SIPA1L1: variants seen among roughly 807,000 people sequenced by gnomAD.
The protein encoded by SIPA1L1 is signal induced proliferation associated 1 like 1.
SIPA1L1 carries 26 observed loss-of-function variants against 162.7 expected under a neutral mutation model. That is an observed-to-expected ratio of 0.16 (90% CI 0.12 to 0.22). The LOEUF (loss-of-function observed/expected upper bound fraction) is 0.22, where lower values mean the gene tolerates loss of function less well. Among genes scored for constraint, SIPA1L1 ranks in the 10% least tolerant of loss-of-function variants. The pLI is 1.00. For missense variants in SIPA1L1, 1,874 were observed against 2,241.0 expected (o/e 0.84, Z 3.31); for synonymous variants, 829 against 837.4 (o/e 0.99, Z 0.17).
Position 71,739,060 on chromosome 14 carries a change from C to T in SIPA1L1, c.5251C>T (p.Leu1751=). 6.2e-7 allele frequency: 1 copy of T among 1,614,130 alleles called. No individual in the cohort carries two copies. Among genetic ancestry groups the T allele is most frequent in the Non-Finnish European group, 8.5e-7 (1 of 1,179,998 alleles). ...KAHLQAEVQH[L]REDNLRLQEE... ...TCACCTTCAGGCGGAGGTGCAGCAC[C>T]TGCGAGAGGACAACCTGAGGCTACA... Residue 1751 remains leucine (L), a synonymous_variant, in exon 24 of 24, where the codon CTG becomes TTG. Transcript: ENST00000381232.
At chr14:71,417,859 C>T (rs1437596337) in intron 2 of SIPA1L1, among the ~76,000 whole-genome samples, 2 of 152,156 alleles carry the variant, frequency 1.3e-5, no homozygotes, top group Non-Finnish European at 2.9e-5. Flanking sequence ...AGAGAATCTT[C>T]CTTTCATCTT....
At chr14:71,580,152 A>G (rs2147272819) in intron 4 of SIPA1L1, among the ~76,000 whole-genome samples, 2 of 152,334 alleles carry the variant, frequency 1.3e-5, no homozygotes, top group Middle Eastern at 6.8e-3. Flanking sequence ...CTGCCCTCAA[A>G]GAAGAAAATC....
intron 2 of SIPA1L1, among the ~76,000 whole-genome samples, chr14:71,497,656 G>T (rs1452598472): frequency 6.6e-6 from 1 of 152,190 alleles, no homozygotes; most frequent in Admixed American, 6.5e-5. Flanking sequence ...TTGCCTTTGA[G>T]ATTCATCCAA....
intron 13 of SIPA1L1, among the ~76,000 whole-genome samples, chr14:71,690,518 G>A (rs2081180988): frequency 6.6e-6 from 1 of 152,166 alleles, no homozygotes; most frequent in African/African-American, 2.4e-5. Context: ...AAAGTGCTGG[G>A]ATCACAGGTG....
At chr14:71,408,397 T>G (rs1233014496) in intron 2 of SIPA1L1, among the ~76,000 whole-genome samples, 3 of 152,148 alleles carry the variant, frequency 2.0e-5, no homozygotes, top group Non-Finnish European at 4.4e-5. Context: ...TAGGCTAGGT[T>G]TAGAATTTTA....
chr14:71,436,863 C>T (rs540542943), intron 2 of SIPA1L1, among the ~76,000 whole-genome samples: 23 of 149,514 alleles, frequency 1.5e-4, no homozygotes, highest in Admixed American at 1.3e-3. Context: ...CGCCCGGGTT[C>T]AAGTGATTCT....
At chr14:71,609,729 A>G (rs1003105809) in intron 5 of SIPA1L1, among the ~76,000 whole-genome samples, 3 of 151,902 alleles carry the variant, frequency 2.0e-5, no homozygotes, top group African/African-American at 7.3e-5. Flanking sequence ...GGCCTCCCAA[A>G]GTGTTCGGAT....
At position 71,741,071 on chromosome 14, in the gene SIPA1L1, G is replaced by C. The variant is rs916670557; in HGVS notation, c.*1910G>C. 9 of 152,150 alleles carry C rather than the reference G, an allele frequency of 5.9e-5. No individual in the cohort carries two copies. Among genetic ancestry groups the C allele is most frequent in the African/African-American group, 2.2e-4 (9 of 41,448 alleles). The allele number at this position is 152,150 out of a possible 1,614,324, so 9.4% of individuals were successfully genotyped here. A position where few individuals can be genotyped will look rare whatever the true frequency, so the allele number is the denominator to read the frequency against. ...ACTTTGGTATTATTGCTTGAGGTTT[G>C]CTTATTTGAAAGACCACCCAATAAC... On this transcript the variant is annotated 3_prime_UTR_variant, in exon 24 of 24. Coordinates refer to ENST00000381232, the MANE Select transcript of SIPA1L1 (RefSeq NM_001386936.1).
chr14:71,677,710 G>A (rs1049456168), intron 12 of SIPA1L1, among the ~76,000 whole-genome samples: 4 of 152,124 alleles, frequency 2.6e-5, no homozygotes, highest in African/African-American at 9.7e-5. Flanking sequence ...AGTTTTCCCA[G>A]CATCATTTAT....
At chr14:71,390,203 C>T (rs77577940) in intron 2 of SIPA1L1, among the ~76,000 whole-genome samples, 2,647 of 152,204 alleles carry the variant, frequency 0.017, 73 homozygotes, top group African/African-American at 0.061. Context: ...ATGTGTTAAA[C>T]AATCCAAATA....
intron 13 of SIPA1L1, among the ~76,000 whole-genome samples, chr14:71,688,347 C>T (rs148565832): frequency 1.4e-3 from 210 of 152,256 alleles, no homozygotes; most frequent in Non-Finnish European, 2.5e-3. Context: ...AATCCAAAAA[C>T]TTCCAAAATC....
chr14:71,393,337 T>C (rs937655703), intron 2 of SIPA1L1, among the ~76,000 whole-genome samples: 1 of 152,254 alleles, frequency 6.6e-6, no homozygotes, highest in Non-Finnish European at 1.5e-5. Flanking sequence ...ATGATATTAA[T>C]ATGCATTTGA....
At position 71,375,454 on chromosome 14, in the gene SIPA1L1, A is replaced by G. The variant is rs185834414; in HGVS notation, c.-465+54273A>G. On this transcript the variant is annotated intron_variant, in intron 2 of 23. Transcript: ENST00000381232. ...TTTTACATCAGCTTTGTATCCTGCA[A>G]TCTTGTTAAATTCATTTCTTATAAT... Among the ~76,000 whole-genome samples the G allele has an allele frequency of 1.2e-3, 186 of 152,222 alleles. 1 individual carries two copies. Among genetic ancestry groups the G allele is most frequent in the Non-Finnish European group, 2.1e-3 (145 of 68,004 alleles).
intron 2 of SIPA1L1, among the ~76,000 whole-genome samples, chr14:71,388,279 G>T (rs979488957): frequency 2.0e-5 from 3 of 152,190 alleles, no homozygotes; most frequent in African/African-American, 4.8e-5. Context: ...GCAGGTTTTT[G>T]TCAAAGCAGA....
intron 16 of SIPA1L1, among the ~76,000 whole-genome samples, chr14:71,708,024 T>G (rs1392126384): frequency 3.2e-4 from 40 of 126,104 alleles, no homozygotes; most frequent in East Asian, 5.2e-4. Context: ...TGTTTTTTTT[T>G]TTTTGTTTTT....
At chr14:71,713,853 T>G (rs2083061681) in intron 17 of SIPA1L1, among the ~76,000 whole-genome samples, 1 of 152,210 alleles carries the variant, frequency 6.6e-6, no homozygotes, top group South Asian at 2.1e-4. Flanking sequence ...TAACATTTCC[T>G]TCTCTAAATC....
At chr14:71,622,578 T>C (rs1281679813) in intron 6 of SIPA1L1, among the ~76,000 whole-genome samples, 1 of 152,234 alleles carries the variant, frequency 6.6e-6, no homozygotes, top group Admixed American at 6.5e-5. Flanking sequence ...GTCAAATAAC[T>C]GAGTTAACGA....
chr14:71,374,607 G>A (rs760804288), intron 2 of SIPA1L1, among the ~76,000 whole-genome samples: 4 of 151,068 alleles, frequency 2.6e-5, no homozygotes, highest in Non-Finnish European at 5.9e-5. Flanking sequence ...GGTTTAAATT[G>A]TAAGTAAATA....
chr14:71,521,585 C>G (rs977397361), intron 3 of SIPA1L1, among the ~76,000 whole-genome samples: 7 of 152,196 alleles, frequency 4.6e-5, no homozygotes, highest in African/African-American at 1.7e-4. Context: ...GTGGTTTTCT[C>G]AAATGCTAAG....
Sources: allele counts gnomAD v4.1 joint callset (sites outside exome capture counted in the v4.1 genomes callset), GRCh38; gene constraint gnomAD v4.1.1; transcripts MANE v1.5; gene names NCBI Gene and HGNC (gene_info 2026-07-23, HGNC 2026-07-21).